SMYD4: variants seen among roughly 807,000 people sequenced by gnomAD.
The protein encoded by SMYD4 is protein-lysine N-methyltransferase SMYD4.
In SMYD4, 68 loss-of-function variants were observed where a neutral mutation model predicts 72.8. The observed-to-expected ratio is 0.93, with a 90% CI of 0.77 to 1.14. The LOEUF (loss-of-function observed/expected upper bound fraction) is 1.14. Ranked by LOEUF, SMYD4 falls within the 50% of genes most tolerant of loss-of-function variation. The probability of loss-of-function intolerance (pLI) is 0.00; values close to 1 mark genes in which losing one functional copy is unlikely to be tolerated. For synonymous variants in SMYD4, 407 were observed against 388.6 expected (o/e 1.05, Z -0.56); for missense variants, 984 against 1,003.7 (o/e 0.98, Z 0.27).
chr17:1,816,949 G>A (rs1431984816), intron 2 of SMYD4, among the ~76,000 whole-genome samples: 2 of 151,572 alleles, frequency 1.3e-5, no homozygotes, highest in East Asian at 3.9e-4. Flanking sequence ...TATATATTTC[G>A]GATATTAATT....
chr17:1,824,837 C>A (rs1671897872), intron 2 of SMYD4, among the ~76,000 whole-genome samples: 2 of 151,944 alleles, frequency 1.3e-5, no homozygotes, highest in African/African-American at 4.8e-5. Context: ...GTTGGCTGGG[C>A]TGGTCCTGAA....
intron 3 of SMYD4, among the ~76,000 whole-genome samples, chr17:1,809,675 T>A (rs1182737335): frequency 4.7e-5 from 5 of 106,538 alleles, no homozygotes; most frequent in Admixed American, 4.5e-4. Flanking sequence ...GCGCCCGGCC[T>A]ATTATTATTG....
chr17:1,794,041 G>GCGTATATATATGTGTGTATATATATATA (rs1909224056), intron 5 of SMYD4, among the ~76,000 whole-genome samples: 1 of 31,340 alleles, frequency 3.2e-5, no homozygotes, highest in Admixed American at 2.5e-4. Flanking sequence ...ATATATGTAT[G>GCGTATATATATGTGTGTATATATATATA]TATATATATA....
intron 5 of SMYD4, among the ~76,000 whole-genome samples, chr17:1,797,647 G>C (rs1909475612): frequency 6.6e-6 from 1 of 152,226 alleles, no homozygotes; most frequent in African/African-American, 2.4e-5. Flanking sequence ...TGGAAATTTA[G>C]AAGAATGGGA....
intron 1 of SMYD4, 50 bp from the exon 2 acceptor site, chr17:1,828,056 A>C: frequency 6.4e-7 from 1 of 1,573,208 alleles, no homozygotes. Context: ...CAATTTTAGA[A>C]AATCAAGAGT....
At chr17:1,823,106 C>T (rs1419903475) in intron 2 of SMYD4, among the ~76,000 whole-genome samples, 1 of 151,476 alleles carries the variant, frequency 6.6e-6, no homozygotes, top group African/African-American at 2.4e-5. Context: ...CACGGTGGCT[C>T]ACGCCTGTAA....
Position 1,812,061 on chromosome 17 carries a change from C to G in SMYD4, c.189G>C (p.Lys63Asn), listed in dbSNP as rs144124034. 6.2e-7 allele frequency: 1 copy of G among 1,614,096 alleles called. No individual in the cohort carries two copies. The highest frequency in any genetic ancestry group is 1.1e-5 in the South Asian group (1 of 91,088). Residue 63 changes from lysine (K) to asparagine (N), a missense_variant, in exon 3 of 11, where the codon AAG (lysine) becomes AAC (asparagine). Coordinates refer to ENST00000305513, the MANE Select transcript of SMYD4 (RefSeq NM_052928.3). The stretch of plus-strand genomic sequence containing the variant: ...TGTAGAAAAGAGGAGCGTCCGAGTC[C>G]TTTCCCACCAAGTAACCTTTAGAAA... ...KRLSKGYLVGKDSDAPLFYRE... is the reference protein window; with the variant it reads ...KRLSKGYLVGNDSDAPLFYRE...
intron 2 of SMYD4, among the ~76,000 whole-genome samples, chr17:1,815,067 T>G (rs114778980): frequency 0.019 from 2,817 of 152,086 alleles, 92 homozygotes; most frequent in African/African-American, 0.064. Flanking sequence ...AATGTCTTTT[T>G]TTTTTTCTTT....
At chr17:1,811,088 A>G (rs534465055) in intron 3 of SMYD4, among the ~76,000 whole-genome samples, 4 of 152,332 alleles carry the variant, frequency 2.6e-5, no homozygotes, top group African/African-American at 9.6e-5. Context: ...TGGTTAACAC[A>G]AGCCGCGTAT....
chr17:1,816,753 G>T (rs1910620195), intron 2 of SMYD4, among the ~76,000 whole-genome samples: 2 of 151,818 alleles, frequency 1.3e-5, no homozygotes, highest in South Asian at 4.2e-4. Flanking sequence ...GCACACTATG[G>T]CCTTTTTGTA....
chr17:1,790,942 C>T (rs977972321), intron 5 of SMYD4, among the ~76,000 whole-genome samples: 3 of 150,918 alleles, frequency 2.0e-5, no homozygotes, highest in South Asian at 2.1e-4. Flanking sequence ...CTGGCTAACA[C>T]GGCGAAACCC....
intron 4 of SMYD4, among the ~76,000 whole-genome samples, chr17:1,801,494 C>A (rs1021169571): frequency 6.6e-6 from 1 of 151,512 alleles, no homozygotes; most frequent in Non-Finnish European, 1.5e-5. Flanking sequence ...CCCGCCTCAG[C>A]CTCCCAAAGT....
intron 3 of SMYD4, among the ~76,000 whole-genome samples, chr17:1,806,641 A>G (rs1358445956): frequency 6.6e-6 from 1 of 152,228 alleles, no homozygotes; most frequent in Non-Finnish European, 1.5e-5. Flanking sequence ...AAAGCAAAAT[A>G]AAATTGATGG....
intron 5 of SMYD4, among the ~76,000 whole-genome samples, chr17:1,795,405 C>CTCTA (rs6145948): frequency 0.11 from 16,287 of 148,700 alleles, 1,023 homozygotes; most frequent in South Asian, 0.2. Context: ...ACGATCTCAG[C>CTCTA]TCTATCTATC....
chr17:1,794,068 T>TGTATATATATATATGC (rs1909234609), intron 5 of SMYD4, among the ~76,000 whole-genome samples: 1 of 61,252 alleles, frequency 1.6e-5, no homozygotes, highest in African/African-American at 6.7e-5. Context: ...TATATATATG[T>TGTATATATATATATGC]GTATATATAT....
intron 8 of SMYD4, chr17:1,783,776 G>GA (rs1908505261): frequency 4.5e-6 from 2 of 444,086 alleles, no homozygotes; most frequent in Non-Finnish European, 8.1e-6. Context: ...TCTTGACCCT[G>GA]AAATCTAAGC....
intron 2 of SMYD4, among the ~76,000 whole-genome samples, chr17:1,822,075 A>G (rs950572173): frequency 6.6e-6 from 1 of 151,732 alleles, no homozygotes; most frequent in East Asian, 1.9e-4. Context: ...AAATATAAAA[A>G]TTATATATTT....
Position 1,787,457 on chromosome 17 carries a change from C to T in SMYD4, c.1685G>A (p.Arg562Gln), listed in dbSNP as rs766574219. The T allele has an allele frequency of 5.3e-5, 83 of 1,561,602 alleles. No homozygotes were observed. Among genetic ancestry groups the T allele is most frequent in the Middle Eastern group, 1.9e-4 (1 of 5,402 alleles). The change falls in exon 6 of 11, where the codon CGG becomes CAG. Residue 562 changes from arginine to glutamine, a missense_variant. Arg to Gln is a conservative substitution (Grantham distance 43). Coordinates refer to ENST00000305513, the MANE Select transcript of SMYD4 (RefSeq NM_052928.3). The stretch of plus-strand genomic sequence containing the variant: ...GAGAATCTCTTGCCCCTTTCTAATC[C>T]GCTGTGACGCCCGGATGGTGGCGAC... Reference protein sequence around the residue: ...STVATIRASQRIRKGQEILHC... With the variant: ...STVATIRASQQIRKGQEILHC...
At position 1,800,756 on chromosome 17, in the gene SMYD4, G is replaced by A. The variant is rs1402771265; in HGVS notation, c.638C>T (p.Ala213Val). The change falls in exon 5 of 11, where the codon GCC (alanine) becomes GTC (valine). Residue 213 changes from alanine to valine, a missense_variant. Physicochemically the swap from Ala to Val is moderately conservative, Grantham distance 64. Transcript: ENST00000305513. ...CAGCGCTGCATCCTCAAGGGTTTTG[G>A]CCAGAGCTGCTGGGAAGCTTTCTGT... ...SLTESFPAAL[A>V]KTLEDAALRE... is the part of the protein sequence containing the mutation. 35 of 1,614,062 alleles carry A rather than the reference G, an allele frequency of 2.2e-5. No homozygotes were observed. Among genetic ancestry groups the A allele is most frequent in the Non-Finnish European group, 2.6e-5 (31 of 1,180,042 alleles).
Sources: gnomAD v4.1 joint callset for allele counts (sites outside exome capture counted in the v4.1 genomes callset) on GRCh38, gnomAD v4.1.1 for gene constraint, MANE v1.5 for transcripts, NCBI Gene and HGNC (gene_info 2026-07-23, HGNC 2026-07-21) for gene names.